FAM107B: variants seen among roughly 807,000 people sequenced by gnomAD.
The protein encoded by FAM107B is protein FAM107B.
Under a neutral mutation model 31.5 loss-of-function variants are expected in FAM107B, and 21 were observed. That is an observed-to-expected ratio of 0.67 (90% CI 0.47 to 0.96). The LOEUF is 0.96. Among genes scored for constraint, FAM107B ranks in the 40% least tolerant of loss-of-function variants. The probability of loss-of-function intolerance (pLI) is 0.00; values close to 1 mark genes in which losing one functional copy is unlikely to be tolerated. For synonymous variants in FAM107B, 157 were observed against 141.5 expected (o/e 1.11, Z -0.78); for missense variants, 452 against 377.1 (o/e 1.20, Z -1.64).
intron 2 of FAM107B, among the ~76,000 whole-genome samples, chr10:14,597,417 G>T (rs1442626821): frequency 6.6e-6 from 1 of 152,182 alleles, no homozygotes; most frequent in Non-Finnish European, 1.5e-5. Context: ...TTATACCACA[G>T]TAATGACAGC....
intron 2 of FAM107B, among the ~76,000 whole-genome samples, chr10:14,623,563 C>T (rs971234855): frequency 7.2e-5 from 11 of 152,198 alleles, no homozygotes; most frequent in East Asian, 1.9e-4. Context: ...TGGTGGCTTA[C>T]GCCCGTAATC....
chr10:14,767,369 G>A (rs892251140), intron 1 of FAM107B, among the ~76,000 whole-genome samples: 1 of 151,772 alleles, frequency 6.6e-6, no homozygotes, highest in Admixed American at 6.6e-5. Flanking sequence ...TGGGATTACA[G>A]GCATGAGCCA....
intron 1 of FAM107B, among the ~76,000 whole-genome samples, chr10:14,677,431 C>A (rs1275093771): frequency 3.9e-5 from 6 of 152,128 alleles, no homozygotes; most frequent in Admixed American, 3.9e-4. Flanking sequence ...ACCATCCTGG[C>A]TAACACACTG....
chr10:14,702,910 C>G (rs1219731491), intron 1 of FAM107B, among the ~76,000 whole-genome samples: 2 of 152,144 alleles, frequency 1.3e-5, no homozygotes, highest in Non-Finnish European at 2.9e-5. Flanking sequence ...GTCTCATTAT[C>G]TATTGCAGTA....
chr10:14,576,703 C>T (rs1564582627), intron 2 of FAM107B, among the ~76,000 whole-genome samples: 1 of 152,170 alleles, frequency 6.6e-6, no homozygotes, highest in African/African-American at 2.4e-5. Context: ...AGTGCAAACA[C>T]ATCTTTGTAC....
chr10:14,557,457 A>C (rs1205911601), intron 2 of FAM107B, among the ~76,000 whole-genome samples: 3 of 152,228 alleles, frequency 2.0e-5, no homozygotes, highest in Admixed American at 1.3e-4. Flanking sequence ...ATTGGGCATA[A>C]TTATTAATTT....
At chr10:14,701,527 G>C (rs1245920678) in intron 1 of FAM107B, among the ~76,000 whole-genome samples, 2 of 152,150 alleles carry the variant, frequency 1.3e-5, no homozygotes, top group African/African-American at 4.8e-5. Context: ...TCATAGGCAT[G>C]AGCCACCATG....
intron 2 of FAM107B, among the ~76,000 whole-genome samples, chr10:14,624,645 A>C (rs2131407148): frequency 6.6e-6 from 1 of 152,272 alleles, no homozygotes; most frequent in Admixed American, 6.5e-5. Context: ...CAAAAAAAAA[A>C]GACTTGAGGG....
At chr10:14,660,016 T>G (rs894135453) in intron 2 of FAM107B, among the ~76,000 whole-genome samples, 26 of 152,302 alleles carry the variant, frequency 1.7e-4, no homozygotes, top group Middle Eastern at 3.4e-3. Flanking sequence ...CTTGACTAAA[T>G]GCAGATGACA....
chr10:14,744,020 T>C (rs989048048), intron 1 of FAM107B, among the ~76,000 whole-genome samples: 2 of 152,218 alleles, frequency 1.3e-5, no homozygotes, highest in Non-Finnish European at 2.9e-5. Context: ...GTGTTCTCTC[T>C]GATTTCTTTG....
chr10:14,765,714 T>A (rs1477143231), intron 1 of FAM107B, among the ~76,000 whole-genome samples: 2 of 152,200 alleles, frequency 1.3e-5, no homozygotes, highest in Non-Finnish European at 2.9e-5. Context: ...TATTTTAAAA[T>A]GTTGATGTCA....
chr10:14,665,158 C>G (rs1035051478), intron 2 of FAM107B, among the ~76,000 whole-genome samples: 1 of 152,096 alleles, frequency 6.6e-6, no homozygotes, highest in African/African-American at 2.4e-5. Flanking sequence ...AAAACCATAC[C>G]TGCTGATCAC....
intron 1 of FAM107B, among the ~76,000 whole-genome samples, chr10:14,753,594 T>C (rs1832871482): frequency 6.6e-6 from 1 of 152,176 alleles, no homozygotes; most frequent in African/African-American, 2.4e-5. Flanking sequence ...TTTCCTCAGA[T>C]CCATTATGTT....
chr10:14,654,755 T>G lies in FAM107B; in HGVS notation c.469+12879A>C, dbSNP rs551851719. On this transcript the variant is annotated intron_variant, in intron 2 of 4. Coordinates refer to ENST00000181796, the MANE Select transcript of FAM107B (RefSeq NM_031453.4). ...AAATACACCAGTAACTAAGTAGATA[T>G]GCTTTGCGATAGTCAACTTCAAGGT... 6.4e-4 allele frequency among the ~76,000 whole-genome samples: 98 copies of G among 152,340 alleles called. 1 individual carries two copies. The South Asian group carries it at 0.013, about 20-fold the overall frequency.
chr10:14,565,973 AAG>A (rs1850631690), intron 2 of FAM107B, among the ~76,000 whole-genome samples: 1 of 152,214 alleles, frequency 6.6e-6, no homozygotes, highest in Non-Finnish European at 1.5e-5. Flanking sequence ...GGGCGGACCT[AAG>A]GCCTCTCTGC....
At chr10:14,712,598 C>T (rs1457373597) in intron 1 of FAM107B, among the ~76,000 whole-genome samples, 2 of 142,892 alleles carry the variant, frequency 1.4e-5, no homozygotes, top group Non-Finnish European at 3.0e-5. Flanking sequence ...CAGTCCCCTG[C>T]CCTGACTCCC....
In FAM107B at chr10:14,705,675, A is replaced by C. The variant is rs553007533; in HGVS notation, c.412-37984T>G. 3.9e-5 allele frequency among the ~76,000 whole-genome samples: 6 copies of C among 152,240 alleles called. No individual in the cohort carries two copies. In the East Asian group the frequency reaches 1.2e-3, roughly 29 times the overall value. ...GTCCCTAGAGTAGTCAAATGCATAG[A>C]GAGAACAAGCAGAATGATGGTTGCC... On this transcript the variant is annotated intron_variant, in intron 1 of 4. Coordinates refer to ENST00000181796, the MANE Select transcript of FAM107B (RefSeq NM_031453.4).
At chr10:14,675,617 T>C (rs1004786461) in intron 1 of FAM107B, among the ~76,000 whole-genome samples, 1 of 152,198 alleles carries the variant, frequency 6.6e-6, no homozygotes, top group South Asian at 2.1e-4. Flanking sequence ...TAAAGAAATG[T>C]TTCCCTATCA....
chr10:14,600,239 C>T (rs760302462), intron 2 of FAM107B, among the ~76,000 whole-genome samples: 20 of 152,212 alleles, frequency 1.3e-4, no homozygotes, highest in Admixed American at 2.6e-4. Flanking sequence ...CTACCACAAC[C>T]GGCTTCCCAG....
Sources: allele counts gnomAD v4.1 joint callset (sites outside exome capture counted in the v4.1 genomes callset), GRCh38; gene constraint gnomAD v4.1.1; transcripts MANE v1.5; gene names NCBI Gene and HGNC (gene_info 2026-07-23, HGNC 2026-07-21).